The following PCDHA5 variants were observed in gnomAD, a reference collection of about 807,000 sequenced individuals.
The protein encoded by PCDHA5 is protocadherin alpha-5.
In PCDHA5, 43 loss-of-function variants were observed where a neutral mutation model predicts 61.6. That is an observed-to-expected ratio of 0.70 (90% CI 0.55 to 0.90). The LOEUF (loss-of-function observed/expected upper bound fraction) is 0.90, where lower values mean the gene tolerates loss of function less well. Ranked by LOEUF, PCDHA5 falls within the 40% of genes least tolerant of loss-of-function variation. The probability of loss-of-function intolerance (pLI) is 0.00; values close to 1 mark genes in which losing one functional copy is unlikely to be tolerated. For missense variants in PCDHA5, 1,298 were observed against 1,222.7 expected, an observed-to-expected ratio of 1.06 and a Z score of -0.92; for synonymous variants, 627 against 543.9, an observed-to-expected ratio of 1.15 and a Z score of -2.13.
At chr5:140,981,336 G>A (rs1332617891) in intron 2 of PCDHA5, among the ~76,000 whole-genome samples, 1 of 152,188 alleles carries the variant, frequency 6.6e-6, no homozygotes, top group Non-Finnish European at 1.5e-5. Context: ...CACTTTGGGA[G>A]GGTGAGGCAG....
At chr5:140,878,689 AT>A (rs1582445250) in intron 1 of PCDHA5, among the ~76,000 whole-genome samples, 1 of 152,246 alleles carries the variant, frequency 6.6e-6, no homozygotes, top group Admixed American at 6.5e-5. Flanking sequence ...AAAGTCTTAC[AT>A]ACCCCAGCCT....
At chr5:140,829,112 T>A (rs2150162678) in intron 1 of PCDHA5, 31 of 1,612,052 alleles carry the variant, frequency 1.9e-5, no homozygotes, top group Non-Finnish European at 1.7e-6. Context: ...AGTGAGAATT[T>A]TGGATAAAAA....
intron 1 of PCDHA5, chr5:140,928,185 C>CA: frequency 1.2e-6 from 2 of 1,614,184 alleles, no homozygotes; most frequent in Non-Finnish European, 1.7e-6. Context: ...GAAGGACAAT[C>CA]ACTGTGTCAG....
At chr5:140,940,809 C>G (rs1308338406) in intron 1 of PCDHA5, among the ~76,000 whole-genome samples, 1 of 152,118 alleles carries the variant, frequency 6.6e-6, no homozygotes, top group Admixed American at 6.5e-5. Flanking sequence ...GCCAGGATAT[C>G]CTGAGATCTT....
chr5:140,929,697 T>G (rs2086305900), intron 1 of PCDHA5: 1 of 266,272 alleles, frequency 3.8e-6, no homozygotes, highest in African/African-American at 2.2e-5. Flanking sequence ...CTGCTTTATA[T>G]GAATATAATA....
chr5:141,009,471 G>A, intron 3 of PCDHA5, 156 bp from the exon 4 acceptor site: 1 of 961,136 alleles, frequency 1.0e-6, no homozygotes, highest in Non-Finnish European at 1.2e-6. Context: ...AAATAAATAA[G>A]TAAACACTTG....
chr5:140,878,599 A>G (rs1308833361), intron 1 of PCDHA5, among the ~76,000 whole-genome samples: 4 of 152,220 alleles, frequency 2.6e-5, no homozygotes, highest in African/African-American at 2.4e-5. Context: ...TTACCAAGTG[A>G]ATCTTCTAAT....
intron 1 of PCDHA5, chr5:140,848,709 G>T: frequency 6.3e-7 from 1 of 1,592,420 alleles, no homozygotes; most frequent in African/African-American, 1.3e-5. Context: ...CAAAGGCCGC[G>T]GGGACCTTCT....
In PCDHA5 at chr5:140,830,153, G is replaced by A. The variant is rs2150182058; in HGVS notation, c.2352+6026G>A. On this transcript the variant is annotated intron_variant, in intron 1 of 3. Coordinates refer to ENST00000529859, the MANE Select transcript of PCDHA5 (RefSeq NM_018908.3). ...ATCACGGGCGTCGGTGGGCGCCGCG[G>A]GCCCAGAGGCGGCGCTGGTGGATGT... 6 of 1,613,358 alleles carry A rather than the reference G, an allele frequency of 3.7e-6. No individual in the cohort carries two copies. In the East Asian group the frequency reaches 8.9e-5, roughly 24 times the overall value.
chr5:140,972,754 C>T (rs782389999), intron 1 of PCDHA5, among the ~76,000 whole-genome samples: 1 of 151,316 alleles, frequency 6.6e-6, no homozygotes, highest in African/African-American at 2.4e-5. Flanking sequence ...ACCTCCGCCT[C>T]CCAAGTTAAA....
rs1478776734 is a variant in PCDHA5 at position 141,010,917 on chromosome 5, A to G, written c.*980A>G. ...TACAATTCCCCTAAACTCTCCTCAA[A>G]AGAGAATTCAGTCTACAGCCATTTA... On this transcript the variant is annotated 3_prime_UTR_variant, in exon 4 of 4. Coordinates refer to ENST00000529859, the MANE Select transcript of PCDHA5 (RefSeq NM_018908.3). The G allele has an allele frequency of 6.5e-6, 1 of 153,776 alleles. No homozygotes were observed. The highest frequency in any genetic ancestry group is 1.5e-5 in the Non-Finnish European group (1 of 68,048). The allele number at this position is 153,776 out of a possible 1,614,324, so 9.5% of individuals were successfully genotyped here.
rs181377286 is a variant in PCDHA5 at position 140,886,682 on chromosome 5, G to C, written c.2352+62555G>C. Among the ~76,000 whole-genome samples, 463 of 151,736 alleles carry C rather than the reference G, an allele frequency of 3.1e-3. 3 individuals carry two copies. Among genetic ancestry groups the C allele is most frequent in the Middle Eastern group, 0.014 (4 of 294 alleles). The stretch of plus-strand genomic sequence containing the variant: ...CTCTACTAAAAATACAAAAATTAGC[G>C]AGGCATGGTGGCACGCGCCTGTAAT... On this transcript the variant is annotated intron_variant, in intron 1 of 3. Coordinates refer to ENST00000529859, the MANE Select transcript of PCDHA5 (RefSeq NM_018908.3).
At chr5:140,841,819 C>G (rs781814200) in intron 1 of PCDHA5, 3 of 1,613,874 alleles carry the variant, frequency 1.9e-6, no homozygotes, top group Non-Finnish European at 2.5e-6. Flanking sequence ...GAGCTAACTC[C>G]GTGTTAACCT....
chr5:140,877,089 C>T (rs782771217), intron 1 of PCDHA5: 4 of 1,613,082 alleles, frequency 2.5e-6, no homozygotes, highest in African/African-American at 1.3e-5. Flanking sequence ...GCGCGCGCGA[C>T]GCCGGCGTGC....
rs1322777523 is a variant in PCDHA5 at position 140,961,683 on chromosome 5, A to G, written c.2353-17266A>G. Among the ~76,000 whole-genome samples, 6 of 152,224 alleles carry G rather than the reference A, an allele frequency of 3.9e-5. No homozygotes were observed. The East Asian group carries it at 1.2e-3, about 29-fold the overall frequency. ...AGTTACCAGTTTTTAATTAAGCCGGAGTAGTCCTTAGTATGAATGCCTTCA... is the reference window on the plus strand; with the variant it reads ...AGTTACCAGTTTTTAATTAAGCCGGGGTAGTCCTTAGTATGAATGCCTTCA... On this transcript the variant is annotated intron_variant, in intron 1 of 3. Transcript: ENST00000529859.
rs1554168487 is a variant in PCDHA5 at position 140,876,335 on chromosome 5, G to A, written c.2352+52208G>A. ...GGGATCAAAATGATTTTGCCAGTGA[G>A]TGAGAAATGTATGTTTTCAATAAAT... On this transcript the variant is annotated intron_variant, in intron 1 of 3. Transcript: ENST00000529859. 3 of 1,614,034 alleles carry A rather than the reference G, an allele frequency of 1.9e-6. No individual in the cohort carries two copies. The highest frequency in any genetic ancestry group is 4.5e-5 in the East Asian group (2 of 44,894).
At chr5:140,879,137 G>A (rs1313863348) in intron 1 of PCDHA5, among the ~76,000 whole-genome samples, 2 of 152,210 alleles carry the variant, frequency 1.3e-5, no homozygotes, top group Non-Finnish European at 2.9e-5. Context: ...GGGAGATTGT[G>A]AAGGCAGGAA....
intron 1 of PCDHA5, among the ~76,000 whole-genome samples, chr5:140,916,270 G>A (rs1487301756): frequency 1.3e-5 from 2 of 152,180 alleles, no homozygotes; most frequent in Admixed American, 1.3e-4. Flanking sequence ...GAGCATGCTT[G>A]TTGCTCTACT....
intron 1 of PCDHA5, among the ~76,000 whole-genome samples, chr5:140,890,187 CAG>C (rs2062529084): frequency 1.3e-5 from 2 of 152,228 alleles, no homozygotes; most frequent in South Asian, 4.1e-4. Context: ...TGCTACAAAA[CAG>C]AGTTTTTTGT....
Sources: allele counts gnomAD v4.1 joint callset (sites outside exome capture counted in the v4.1 genomes callset), GRCh38; gene constraint gnomAD v4.1.1; transcripts MANE v1.5; gene names NCBI Gene and HGNC (gene_info 2026-07-23, HGNC 2026-07-21).